MGRN1: variants seen among roughly 807,000 people sequenced by gnomAD.
MGRN1 encodes the protein mahogunin ring finger 1.
A neutral mutation model predicts 69.2 loss-of-function variants in MGRN1; 29 were observed. The ratio of observed to expected loss-of-function variants is 0.42; its 90% CI spans 0.31 to 0.57. The LOEUF (loss-of-function observed/expected upper bound fraction) is 0.57, where lower values mean the gene tolerates loss of function less well. Among genes scored for constraint, MGRN1 ranks in the 20% least tolerant of loss-of-function variants. The pLI is 0.15. For missense variants in MGRN1, 998 were observed against 796.2 expected (o/e 1.25, Z -3.05); for synonymous variants, 470 against 344.2 (o/e 1.37, Z -4.04).
At chr16:4,641,242 C>G (rs2078149960) in intron 1 of MGRN1, among the ~76,000 whole-genome samples, 1 of 152,260 alleles carries the variant, frequency 6.6e-6, no homozygotes, top group African/African-American at 2.4e-5. Flanking sequence ...GCCCCTAACA[C>G]TTCCCCAGGC....
At chr16:4,688,606 T>A (rs2079388562) in intron 16 of MGRN1, 190 bp from the exon 17 acceptor site, 2 of 1,360,824 alleles carry the variant, frequency 1.5e-6, no homozygotes, top group African/African-American at 1.5e-5. Flanking sequence ...GGACACAGCG[T>A]ATTTGGCACA....
chr16:4,665,126 A>G lies in MGRN1; in HGVS notation c.653A>G (p.His218Arg). 1.2e-6 allele frequency: 2 copies of G among 1,614,194 alleles called. No homozygotes were observed. Among genetic ancestry groups the G allele is most frequent in the South Asian group, 1.1e-5 (1 of 91,082 alleles). The change falls in exon 7 of 17, where the codon CAC becomes CGC. Residue 218 changes from histidine (H) to arginine (R), a missense_variant. His to Arg is a conservative substitution (Grantham distance 29). Transcript: ENST00000262370. Reference sequence around the variant, plus strand: ...GTGGTGGAAGTGACTGGCCACGCCCACGTGCTCTTGGCTGCCTTTGAAAAG... The same window carrying G: ...GTGGTGGAAGTGACTGGCCACGCCCGCGTGCTCTTGGCTGCCTTTGAAAAG... Reference protein sequence around the residue: ...GDVVEVTGHAHVLLAAFEKHM... With the variant: ...GDVVEVTGHARVLLAAFEKHM...
chr16:4,625,080 G>T, intron 1 of MGRN1, 32 bp downstream of exon 1: 2 of 1,500,882 alleles, frequency 1.3e-6, no homozygotes, highest in Non-Finnish European at 1.8e-6. Flanking sequence ...CGGACTGCTA[G>T]GCACGCGCTG....
intron 8 of MGRN1, among the ~76,000 whole-genome samples, chr16:4,670,379 A>G (rs1009458315): frequency 5.3e-5 from 8 of 152,196 alleles, no homozygotes; most frequent in African/African-American, 1.9e-4. Flanking sequence ...AGTAGCTGGG[A>G]CTACAGGCAC....
chr16:4,648,122 T>A (rs2078313013), intron 1 of MGRN1, among the ~76,000 whole-genome samples: 1 of 152,290 alleles, frequency 6.6e-6, no homozygotes, highest in South Asian at 2.1e-4. Context: ...GGGCCCCCAG[T>A]GGGAATTCTG....
At chr16:4,655,532 C>T (rs1311450234) in intron 4 of MGRN1, among the ~76,000 whole-genome samples, 1 of 152,052 alleles carries the variant, frequency 6.6e-6, no homozygotes, top group African/African-American at 2.4e-5. Flanking sequence ...GCTTCCCCTC[C>T]CAGCGGGGAT....
chr16:4,683,414 T>G, intron 15 of MGRN1, 145 bp downstream of exon 15: 1 of 960,786 alleles, frequency 1.0e-6, no homozygotes, highest in Admixed American at 2.5e-5. Context: ...TCGGCGGCAC[T>G]GGGATCCCGG....
At position 4,687,604 on chromosome 16, in the gene MGRN1, C is replaced by G. The variant is rs528194323; in HGVS notation, c.1619-1192C>G. The G allele has an allele frequency of 1.3e-4, 128 of 985,190 alleles. 1 individual carries two copies. In the African/African-American group the frequency reaches 2.2e-3, roughly 17 times the overall value. The allele number at this position is 985,190 out of a possible 1,614,324, so 61.0% of individuals were successfully genotyped here. The stretch of plus-strand genomic sequence containing the variant: ...ACACACACACACACACACACACACA[C>G]ACACGGGGGAGAGAGAGAAGGCAGC... On this transcript the variant is annotated intron_variant, in intron 16 of 16. Coordinates refer to ENST00000262370, the MANE Select transcript of MGRN1 (RefSeq NM_015246.4).
intron 12 of MGRN1, 108 bp from the exon 13 acceptor site, chr16:4,681,442 G>A (rs1305677708): frequency 1.9e-6 from 2 of 1,055,412 alleles, no homozygotes; most frequent in Non-Finnish European, 2.7e-6. Flanking sequence ...GAGGGTGGGG[G>A]AGTCTCAATC....
intron 14 of MGRN1, 115 bp downstream of exon 14, chr16:4,683,061 G>A: frequency 6.8e-7 from 1 of 1,476,426 alleles, no homozygotes; most frequent in Non-Finnish European, 9.1e-7. Flanking sequence ...GTGCTTGTTG[G>A]CTCTTGCTGA....
Position 4,651,976 on chromosome 16 carries a change from C to T in MGRN1, c.221C>T (p.Thr74Ile). The change falls in exon 3 of 17, where the codon ACT becomes ATT. Residue 74 changes from threonine to isoleucine, a missense_variant. Transcript: ENST00000262370. The part of the protein sequence containing the change: ...GSRPVQFPYV[T>I]PAPHEPVKTL... The stretch of plus-strand genomic sequence containing the variant: ...TTTTTCTCCTAGTTTCCCTACGTCA[C>T]TCCTGCCCCCCACGAGCCCGTGAAG... 6.2e-7 allele frequency: 1 copy of T among 1,614,060 alleles called. No homozygotes were observed. The highest frequency in any genetic ancestry group is 1.1e-5 in the South Asian group (1 of 91,084).
intron 16 of MGRN1, chr16:4,686,817 C>G (rs1196480229): frequency 1.0e-6 from 1 of 987,302 alleles, no homozygotes; most frequent in Non-Finnish European, 1.2e-6. Flanking sequence ...AGCAGGTCCA[C>G]TCCCGTGTTC....
At chr16:4,686,934 C>G in intron 16 of MGRN1, 1 of 985,516 alleles carries the variant, frequency 1.0e-6, no homozygotes. Context: ...GGAGTCCGTC[C>G]TCGAGGGGCC....
intron 7 of MGRN1, among the ~76,000 whole-genome samples, 186 bp from the exon 8 acceptor site, chr16:4,668,079 G>A (rs991333450): frequency 2.0e-5 from 3 of 151,752 alleles, no homozygotes; most frequent in East Asian, 1.9e-4. Context: ...GCCTGAGGCC[G>A]TGTTTTCAGA....
chr16:4,686,960 G>T, intron 16 of MGRN1: 1 of 985,486 alleles, frequency 1.0e-6, no homozygotes, highest in Non-Finnish European at 1.2e-6. Flanking sequence ...GTGCCCAGGG[G>T]AGAGTATCTT....
In MGRN1 at chr16:4,668,273, C is replaced by T. The variant is rs558840883; in HGVS notation, c.687C>T (p.Asp229=). Residue 229 remains aspartate, a synonymous_variant, in exon 8 of 17, where the codon GAC becomes GAT. Transcript: ENST00000262370. ...GTCTTTCTCCCCTGCAGCACATGGA[C>T]GGCAGCTTCTCTGTGAAGCCTTTAA... ...VLLAAFEKHM[D]GSFSVKPLKQ... 1.3e-5 allele frequency: 21 copies of T among 1,614,048 alleles called. No individual in the cohort carries two copies. The highest frequency in any genetic ancestry group is 1.6e-5 in the Non-Finnish European group (19 of 1,179,964).
intron 4 of MGRN1, among the ~76,000 whole-genome samples, chr16:4,656,392 G>C (rs1006133154): frequency 6.6e-6 from 1 of 152,160 alleles, no homozygotes; most frequent in Non-Finnish European, 1.5e-5. Flanking sequence ...GCATGAAAGA[G>C]CAGTGTTGAC....
At chr16:4,665,278 C>A (rs2078776584) in intron 7 of MGRN1, 127 bp downstream of exon 7, 1 of 950,380 alleles carries the variant, frequency 1.1e-6, no homozygotes, top group South Asian at 1.5e-5. Context: ...GGCCCCGGGG[C>A]AGGTTGGGGC....
chr16:4,652,004 G>C lies in MGRN1; in HGVS notation c.249G>C (p.Thr83=), dbSNP rs767701943. 1 of 1,614,024 alleles carries C rather than the reference G, an allele frequency of 6.2e-7. No individual in the cohort carries two copies. The change falls in exon 3 of 17, where the codon ACG becomes ACC. Residue 83 remains threonine, a synonymous_variant. Transcript: ENST00000262370. ...CTGCCCCCCACGAGCCCGTGAAGACGCTGCGGAGCCTGGTGAACATCCGCA... is the reference window on the plus strand; with the variant it reads ...CTGCCCCCCACGAGCCCGTGAAGACCCTGCGGAGCCTGGTGAACATCCGCA... ...VTPAPHEPVK[T]LRSLVNIRKD...
Sources: gnomAD v4.1 joint callset for allele counts (sites outside exome capture counted in the v4.1 genomes callset) on GRCh38, gnomAD v4.1.1 for gene constraint, MANE v1.5 for transcripts, NCBI Gene and HGNC (gene_info 2026-07-23, HGNC 2026-07-21) for gene names.